HSD11B1: variants seen among roughly 807,000 people sequenced by gnomAD.
The protein encoded by HSD11B1 is 11-beta-hydroxysteroid dehydrogenase 1.
In HSD11B1, 15 loss-of-function variants were observed where a neutral mutation model predicts 22.1. The ratio of observed to expected loss-of-function variants is 0.68; its 90% CI spans 0.45 to 1.04. The LOEUF (loss-of-function observed/expected upper bound fraction) is 1.04, where lower values mean the gene tolerates loss of function less well. HSD11B1 is among the 50% of genes least tolerant of loss of function. HSD11B1 has a pLI of 0.00. For synonymous variants in HSD11B1, 122 were observed against 125.2 expected, an observed-to-expected ratio of 0.97 and a Z score of 0.17; for missense variants, 281 against 357.6, an observed-to-expected ratio of 0.79 and a Z score of 1.73.
intron 4 of HSD11B1, among the ~76,000 whole-genome samples, chr1:209,709,505 A>G (rs978811614): frequency 6.6e-6 from 1 of 152,176 alleles, no homozygotes. Context: ...GAAGACCCGA[A>G]TTTACAATGG....
chr1:209,698,229 C>G (rs1481240862), intron 1 of HSD11B1, among the ~76,000 whole-genome samples: 1 of 151,878 alleles, frequency 6.6e-6, no homozygotes, highest in Non-Finnish European at 1.5e-5. Flanking sequence ...GAAGGACAGA[C>G]AGACAGGCAT....
At chr1:209,714,880 A>C (rs1450357721) in intron 4 of HSD11B1, among the ~76,000 whole-genome samples, 2 of 152,146 alleles carry the variant, frequency 1.3e-5, no homozygotes, top group Non-Finnish European at 2.9e-5. Context: ...GCATCCTCAC[A>C]TGGGGCAGCA....
rs78461741 is a variant in HSD11B1 at position 209,689,183 on chromosome 1, T to C, written c.-49+2898T>C. ...CTGAAAGATGAGATTCCCCAGCCCA[T>C]TTTACTGGCTCAGCTCCCAGAACAC... On this transcript the variant is annotated intron_variant, in intron 1 of 6. Coordinates refer to the HSD11B1 transcript ENST00000261465. Among the ~76,000 whole-genome samples, 398 of 152,234 alleles carry C rather than the reference T, an allele frequency of 2.6e-3. 2 individuals are homozygous for C. Among genetic ancestry groups the C allele is most frequent in the African/African-American group, 9.1e-3 (377 of 41,530 alleles).
chr1:209,709,076 C>T (rs372853943), intron 4 of HSD11B1, among the ~76,000 whole-genome samples: 211 of 152,332 alleles, frequency 1.4e-3, no homozygotes, highest in African/African-American at 4.8e-3. Flanking sequence ...TTAATCCTTC[C>T]TCTTTAAAAT....
intron 4 of HSD11B1, among the ~76,000 whole-genome samples, chr1:209,731,806 C>T (rs2077037454): frequency 6.6e-6 from 1 of 152,148 alleles, no homozygotes; most frequent in South Asian, 2.1e-4. Context: ...CTTCCGCCTC[C>T]CAAATTCAAG....
intron 1 of HSD11B1, among the ~76,000 whole-genome samples, chr1:209,690,432 C>T (rs1371286554): frequency 1.3e-5 from 2 of 152,170 alleles, no homozygotes; most frequent in Non-Finnish European, 2.9e-5. Context: ...AGCGGTGGCT[C>T]ATGCCTGTAA....
intron 4 of HSD11B1, among the ~76,000 whole-genome samples, chr1:209,725,605 A>G (rs754018308): frequency 4.6e-5 from 7 of 152,162 alleles, no homozygotes; most frequent in Non-Finnish European, 8.8e-5. Context: ...GCCTCTTCCA[A>G]AGACCTCTCC....
chr1:209,704,868 C>A lies in HSD11B1; in HGVS notation c.-75C>A. On this transcript the variant is annotated 5_prime_UTR_variant, in exon 1 of 6. Coordinates refer to ENST00000367027, the MANE Select transcript of HSD11B1 (RefSeq NM_005525.4). ...GTCACAATTCAGAGGCTGCTGCCTGCTTAGGAGGTTGTAGAAAGCTCTGTA... is the reference window on the plus strand; with the variant it reads ...GTCACAATTCAGAGGCTGCTGCCTGATTAGGAGGTTGTAGAAAGCTCTGTA... The A allele has an allele frequency of 8.9e-7, 1 of 1,129,304 alleles. No homozygotes were observed. Among genetic ancestry groups the A allele is most frequent in the Non-Finnish European group, 1.3e-6 (1 of 741,218 alleles). 70.0% of individuals were successfully genotyped at this position (1,129,304 alleles called of 1,614,324 possible). A position where few individuals can be genotyped will look rare whatever the true frequency, so the allele number is the denominator to read the frequency against.
chr1:209,710,536 C>G (rs1430952144), intron 4 of HSD11B1, among the ~76,000 whole-genome samples: 1 of 152,212 alleles, frequency 6.6e-6, no homozygotes, highest in Non-Finnish European at 1.5e-5. Context: ...CTTTAGAAAT[C>G]CAACTTCCTC....
At chr1:209,734,083 T>C (rs2077052311) in intron 5 of HSD11B1, among the ~76,000 whole-genome samples, 1 of 152,082 alleles carries the variant, frequency 6.6e-6, no homozygotes, top group African/African-American at 2.4e-5. Context: ...CCCACCAATC[T>C]CCATCCAGGA....
At chr1:209,708,873 T>C (rs1216942982) in intron 4 of HSD11B1, among the ~76,000 whole-genome samples, 2 of 152,212 alleles carry the variant, frequency 1.3e-5, no homozygotes, top group East Asian at 3.8e-4. Context: ...TTCCATGAAC[T>C]CTGGGAGGTA....
At chr1:209,698,732 G>T (rs547730985) in intron 1 of HSD11B1, among the ~76,000 whole-genome samples, 1 of 152,320 alleles carries the variant, frequency 6.6e-6, no homozygotes, top group South Asian at 2.1e-4. Context: ...CTTAGATCAT[G>T]CCCTTAAAAC....
rs1048013615 is a variant in HSD11B1, at chr1:209,693,403, G to A, written c.-49+7118G>A. 5.9e-5 allele frequency among the ~76,000 whole-genome samples: 9 copies of A among 152,208 alleles called. No homozygotes were observed. The East Asian group carries it at 1.7e-3, about 29-fold the overall frequency. On this transcript the variant is annotated intron_variant, in intron 1 of 6. Transcript: ENST00000261465. Reference sequence around the variant, plus strand: ...CTTCTTCTTCCTGGCCCTCCCCCAGGAGATATGAATAGATGGGGAAGCTGC... The same window carrying A: ...CTTCTTCTTCCTGGCCCTCCCCCAGAAGATATGAATAGATGGGGAAGCTGC...
At chr1:209,722,630 G>T (rs2076973547) in intron 4 of HSD11B1, among the ~76,000 whole-genome samples, 1 of 152,174 alleles carries the variant, frequency 6.6e-6, no homozygotes, top group South Asian at 2.1e-4. Context: ...CAACTAAAGA[G>T]TTTAGACCAT....
At chr1:209,698,448 A>G (rs984880369) in intron 1 of HSD11B1, among the ~76,000 whole-genome samples, 1 of 152,154 alleles carries the variant, frequency 6.6e-6, no homozygotes, top group Non-Finnish European at 1.5e-5. Context: ...GTGTCACCCT[A>G]GCGTGCTTCC....
In HSD11B1 at chr1:209,734,642, T is replaced by A; in HGVS notation, c.*121T>A. 1 of 788,058 alleles carries A rather than the reference T, an allele frequency of 1.3e-6. No individual in the cohort carries two copies. The highest frequency in any genetic ancestry group is 2.2e-6 in the Non-Finnish European group (1 of 455,802). The allele number at this position is 788,058 out of a possible 1,614,324, so 48.8% of individuals were successfully genotyped here. ...TCCCCAGAGACATGCAAGTCATGGG[T>A]CACACCTGACAAATGGAAGGAGTTC... On this transcript the variant is annotated 3_prime_UTR_variant, in exon 6 of 6. Coordinates refer to ENST00000367027, the MANE Select transcript of HSD11B1 (RefSeq NM_005525.4).
intron 4 of HSD11B1, among the ~76,000 whole-genome samples, chr1:209,710,185 GA>G (rs2076886352): frequency 6.6e-6 from 1 of 152,254 alleles, no homozygotes; most frequent in Admixed American, 6.5e-5. Context: ...AAAACATCTG[GA>G]AAAAAGTTTA....
chr1:209,706,117 C>T lies in HSD11B1; in HGVS notation c.219+176C>T, dbSNP rs1447366818. ...ATAGATTCAAACACCAAAAAACCCACAGGAATATAAAAGTATGCATTTAAG... is the reference window on the plus strand; with the variant it reads ...ATAGATTCAAACACCAAAAAACCCATAGGAATATAAAAGTATGCATTTAAG... On this transcript the variant is annotated intron_variant, in intron 2 of 5. Transcript: ENST00000367027. This position sits in a 1 kb window ranked among gnomAD's most constrained non-coding sequence, Gnocchi z 4.0. Among the ~76,000 whole-genome samples the T allele has an allele frequency of 6.6e-6, 1 of 152,158 alleles. No homozygotes were observed. The highest frequency in any genetic ancestry group is 1.9e-4 in the East Asian group (1 of 5,188).
At chr1:209,716,937 C>T (rs965481042) in intron 4 of HSD11B1, among the ~76,000 whole-genome samples, 3 of 152,078 alleles carry the variant, frequency 2.0e-5, no homozygotes, top group Non-Finnish European at 4.4e-5. Flanking sequence ...AAATGTAAGA[C>T]CTGAAACTAT....
Sources: gnomAD v4.1 joint callset for allele counts (sites outside exome capture counted in the v4.1 genomes callset) on GRCh38, gnomAD v4.1.1 for gene constraint, Gnocchi (gnomAD v3.1) non-coding constraint, MANE v1.5 for transcripts, NCBI Gene and HGNC (gene_info 2026-07-23, HGNC 2026-07-21) for gene names.